The following WDFY3 variants were observed in gnomAD, a reference collection of about 807,000 sequenced individuals.
WDFY3 encodes the protein WD repeat and FYVE domain-containing protein 3.
WDFY3 carries 66 observed loss-of-function variants against 409.6 expected under a neutral mutation model. The observed-to-expected ratio is 0.16, with a 90% confidence interval of 0.13 to 0.20. WDFY3 has a LOEUF of 0.20. Among genes scored for constraint, WDFY3 ranks in the 10% least tolerant of loss-of-function variants. The pLI is 1.00. For synonymous variants in WDFY3, 1,521 were observed against 1,537.1 expected, an observed-to-expected ratio of 0.99 and a Z score of 0.25; for missense variants, 3,031 against 4,298.1, an observed-to-expected ratio of 0.71 and a Z score of 8.24.
intron 21 of WDFY3, among the ~76,000 whole-genome samples, chr4:84,792,921 G>T (rs1299019203): frequency 6.6e-6 from 1 of 152,136 alleles, no homozygotes; most frequent in African/African-American, 2.4e-5. Context: ...TGACAGGGCA[G>T]CTTAGATTAC....
intron 37 of WDFY3, among the ~76,000 whole-genome samples, chr4:84,743,125 G>A (rs184958507): frequency 6.6e-6 from 1 of 152,230 alleles, no homozygotes; most frequent in East Asian, 1.9e-4. Context: ...CTATTGCTAG[G>A]AACTCAAAAG....
At chr4:84,840,945 C>A (rs932550393) in intron 6 of WDFY3, among the ~76,000 whole-genome samples, 1 of 152,012 alleles carries the variant, frequency 6.6e-6, no homozygotes, top group African/African-American at 2.4e-5. Flanking sequence ...CTAAGCCATG[C>A]GTTTCCTTAT....
chr4:84,892,349 T>C (rs1305518328), intron 3 of WDFY3, among the ~76,000 whole-genome samples: 8 of 151,974 alleles, frequency 5.3e-5, no homozygotes, highest in Middle Eastern at 3.4e-3. Flanking sequence ...CGTGCATGTG[T>C]GTAAGAATCT....
At chr4:84,676,741 G>A (rs1320941914) in intron 67 of WDFY3, among the ~76,000 whole-genome samples, 1 of 152,142 alleles carries the variant, frequency 6.6e-6, no homozygotes, top group Non-Finnish European at 1.5e-5. Flanking sequence ...GAGTAAGAAA[G>A]TTACAGAAGG....
At chr4:84,897,742 A>G (rs943681671) in intron 2 of WDFY3, among the ~76,000 whole-genome samples, 3 of 152,200 alleles carry the variant, frequency 2.0e-5, no homozygotes, top group African/African-American at 7.2e-5. Context: ...AGCCCACAAC[A>G]CAGGACTCAA....
chr4:84,940,590 TAC>T (rs1771981923), intron 1 of WDFY3, among the ~76,000 whole-genome samples: 1 of 152,122 alleles, frequency 6.6e-6, no homozygotes, highest in Non-Finnish European at 1.5e-5. Flanking sequence ...CCTTTTTTCT[TAC>T]ATAAAAGATA....
intron 58 of WDFY3, among the ~76,000 whole-genome samples, 158 bp from the exon 59 acceptor site, chr4:84,693,190 G>A (rs936371497): frequency 6.6e-6 from 1 of 152,188 alleles, no homozygotes; most frequent in Non-Finnish European, 1.5e-5. Flanking sequence ...ATTCAAAGAC[G>A]CTATGAAGGT....
intron 2 of WDFY3, among the ~76,000 whole-genome samples, chr4:84,912,019 C>T (rs569467273): frequency 9.9e-5 from 15 of 152,264 alleles, no homozygotes; most frequent in African/African-American, 3.1e-4. Flanking sequence ...AAACACTGTG[C>T]GATGCTAATT....
Position 84,774,962 on chromosome 4 carries a change from T to C in WDFY3, c.4612A>G (p.Lys1538Glu), listed in dbSNP as rs1338978842. 6.2e-7 allele frequency: 1 copy of C among 1,613,890 alleles called. No individual in the cohort carries two copies. The highest frequency in any genetic ancestry group is 1.3e-5 in the African/African-American group (1 of 75,046). ...ATTAACTGGAATTCTCTCATTAATTTGGCATTCTTTGAGGCTTCACTATAA... is the reference window on the plus strand; with the variant it reads ...ATTAACTGGAATTCTCTCATTAATTCGGCATTCTTTGAGGCTTCACTATAA... ...TESSEASKNAKLMREFQLIPK... is the reference protein window; with the variant it reads ...TESSEASKNAELMREFQLIPK... The change falls in exon 29 of 68, where the codon AAA (lysine) becomes GAA (glutamate). Residue 1538 changes from lysine (K) to glutamate (E), a missense_variant. Physicochemically the swap from Lys to Glu is moderately conservative, Grantham distance 56. Around this residue, in one of 16 missense-constraint regions of WDFY3, gnomAD observed 342 missense variants for 463.7 expected, o/e 0.74. Transcript: ENST00000295888.
chr4:84,759,021 T>C (rs1346485496), intron 32 of WDFY3, among the ~76,000 whole-genome samples: 2 of 152,218 alleles, frequency 1.3e-5, no homozygotes, highest in South Asian at 2.1e-4. Context: ...TTTCTACATA[T>C]GGCTAGGCAG....
intron 32 of WDFY3, among the ~76,000 whole-genome samples, chr4:84,759,319 A>T (rs1742071619): frequency 6.6e-6 from 1 of 152,086 alleles, no homozygotes; most frequent in South Asian, 2.1e-4. Flanking sequence ...ATTTTAAAGT[A>T]GTTTTTTCCA....
intron 10 of WDFY3, among the ~76,000 whole-genome samples, chr4:84,822,447 A>T (rs1268997094): frequency 6.6e-6 from 1 of 152,048 alleles, no homozygotes; most frequent in Non-Finnish European, 1.5e-5. Context: ...TCACACCGGT[A>T]GTCCTAGCAC....
At chr4:84,711,364 G>T (rs772181802) in intron 51 of WDFY3, among the ~76,000 whole-genome samples, 48 of 152,086 alleles carry the variant, frequency 3.2e-4, no homozygotes, top group Non-Finnish European at 8.8e-5. Flanking sequence ...GACAAGCAAA[G>T]GAGTAATACC....
chr4:84,685,330 C>T (rs1158374467), intron 62 of WDFY3, among the ~76,000 whole-genome samples: 1 of 152,206 alleles, frequency 6.6e-6, no homozygotes, highest in Non-Finnish European at 1.5e-5. Flanking sequence ...GCTGCACCGT[C>T]TGTGCTGGTC....
intron 3 of WDFY3, among the ~76,000 whole-genome samples, chr4:84,865,869 A>C (rs544732428): frequency 6.6e-6 from 1 of 152,178 alleles, no homozygotes; most frequent in Non-Finnish European, 1.5e-5. Flanking sequence ...CAGGAGTTTG[A>C]GACCAGTTTG....
rs115753062 is a variant in WDFY3 at position 84,775,432 on chromosome 4, C to T, written c.4519-294G>A. Among the ~76,000 whole-genome samples, 799 of 151,786 alleles carry T rather than the reference C, an allele frequency of 5.3e-3. 6 individuals carry two copies. The highest frequency in any genetic ancestry group is 9.1e-3 in the Non-Finnish European group (618 of 67,852). On this transcript the variant is annotated intron_variant, in intron 27 of 67. Coordinates refer to ENST00000295888, the MANE Select transcript of WDFY3 (RefSeq NM_014991.6). The stretch of plus-strand genomic sequence containing the variant: ...GGAGCCAAATGAAAGACAACCAAAG[C>T]CCCCTAATGAACCTCTAGACATGAC...
At chr4:84,883,042 G>A (rs1392692658) in intron 3 of WDFY3, among the ~76,000 whole-genome samples, 3 of 152,154 alleles carry the variant, frequency 2.0e-5, no homozygotes, top group East Asian at 1.9e-4. Context: ...GTCTACAAAC[G>A]AAATATAAAA....
At chr4:84,778,766 CACAT>C (rs926702871) in intron 26 of WDFY3, 111 bp from the exon 27 acceptor site, 22 of 949,020 alleles carry the variant, frequency 2.3e-5, no homozygotes, top group South Asian at 8.7e-5. Flanking sequence ...CACAAACACA[CACAT>C]ACACACAGAA....
At chr4:84,789,997 T>G in intron 21 of WDFY3, 90 bp from the exon 22 acceptor site, 1 of 1,324,580 alleles carries the variant, frequency 7.5e-7, no homozygotes, top group East Asian at 2.4e-5. Context: ...TTTGACTTTA[T>G]GTTAAAACAA....
Sources: gnomAD v4.1 joint callset for allele counts (sites outside exome capture counted in the v4.1 genomes callset) on GRCh38, gnomAD v4.1.1 for gene constraint, gnomAD v4.1.1 regional missense constraint, MANE v1.5 for transcripts, NCBI Gene and HGNC (gene_info 2026-07-23, HGNC 2026-07-21) for gene names.